Variants in NDST4 observed in about 807,000 individuals in gnomAD.
The protein encoded by NDST4 is N-heparan sulfate sulfotransferase 4.
A neutral mutation model predicts 100.8 loss-of-function variants in NDST4; 63 were observed. That is an observed-to-expected ratio of 0.62 (90% CI 0.51 to 0.77). The LOEUF is 0.77. Among genes scored for constraint, NDST4 ranks in the 30% least tolerant of loss-of-function variants. The pLI is 0.00. For missense variants in NDST4, 943 were observed against 1,018.4 expected (o/e 0.93, Z 1.01); for synonymous variants, 377 against 361.8 (o/e 1.04, Z -0.48).
At chr4:114,996,992 T>C (rs1431401284) in intron 2 of NDST4, among the ~76,000 whole-genome samples, 2 of 152,132 alleles carry the variant, frequency 1.3e-5, no homozygotes, top group Non-Finnish European at 2.9e-5. Context: ...TTCTGGTACC[T>C]ATGAGGCAGC....
intron 6 of NDST4, among the ~76,000 whole-genome samples, chr4:114,909,504 C>CA (rs1289135677): frequency 6.7e-6 from 1 of 149,528 alleles, no homozygotes; most frequent in Non-Finnish European, 1.5e-5. Context: ...ACTAAAAATA[C>CA]AAAAAATTAG....
At chr4:114,960,554 A>G (rs1726238876) in intron 4 of NDST4, among the ~76,000 whole-genome samples, 1 of 152,144 alleles carries the variant, frequency 6.6e-6, no homozygotes, top group Admixed American at 6.5e-5. Context: ...TGCAGAAAAA[A>G]AAAATAAAAG....
At chr4:115,109,309 C>G (rs1372593919) in intron 1 of NDST4, among the ~76,000 whole-genome samples, 2 of 151,786 alleles carry the variant, frequency 1.3e-5, no homozygotes, top group Non-Finnish European at 2.9e-5. Flanking sequence ...CCATTAAGGA[C>G]TTTTTAAAAG....
chr4:114,973,810 GTA>G (rs2126242360), intron 3 of NDST4, among the ~76,000 whole-genome samples: 1 of 151,440 alleles, frequency 6.6e-6, no homozygotes, highest in East Asian at 1.9e-4. Flanking sequence ...TGTGTAATTT[GTA>G]TAAAATATAA....
chr4:114,968,862 A>C (rs923077435), intron 4 of NDST4, among the ~76,000 whole-genome samples: 1 of 152,178 alleles, frequency 6.6e-6, no homozygotes, highest in Non-Finnish European at 1.5e-5. Context: ...TTCTTAGTGT[A>C]GAATCATGGG....
At chr4:114,993,443 A>G (rs766490501) in intron 2 of NDST4, among the ~76,000 whole-genome samples, 2 of 151,938 alleles carry the variant, frequency 1.3e-5, no homozygotes, top group Non-Finnish European at 1.5e-5. Flanking sequence ...AGTGCTGGGT[A>G]CCAAGTGGAG....
At chr4:114,998,014 A>G (rs913307969) in intron 2 of NDST4, among the ~76,000 whole-genome samples, 2 of 152,076 alleles carry the variant, frequency 1.3e-5, no homozygotes, top group African/African-American at 4.8e-5. Context: ...AGTCATCTCT[A>G]GGTATCCTCC....
intron 7 of NDST4, among the ~76,000 whole-genome samples, chr4:114,853,485 G>C (rs928446879): frequency 1.1e-4 from 16 of 152,068 alleles, no homozygotes; most frequent in Admixed American, 2.6e-4. Flanking sequence ...TCCAGTGCCA[G>C]TTTTTATTTC....
chr4:115,073,054 A>G (rs886343980), intron 2 of NDST4, among the ~76,000 whole-genome samples: 1 of 152,114 alleles, frequency 6.6e-6, no homozygotes, highest in African/African-American at 2.4e-5. Context: ...ATAAATGACC[A>G]ATAGGTTTAT....
At chr4:114,967,484 A>G (rs200298387) in intron 4 of NDST4, among the ~76,000 whole-genome samples, 49 of 152,140 alleles carry the variant, frequency 3.2e-4, no homozygotes, top group Non-Finnish European at 6.3e-4. Flanking sequence ...ATGGCTCTTA[A>G]AAAAGAAATT....
At chr4:114,995,198 A>G (rs1192134283) in intron 2 of NDST4, among the ~76,000 whole-genome samples, 1 of 152,028 alleles carries the variant, frequency 6.6e-6, no homozygotes, top group Non-Finnish European at 1.5e-5. Flanking sequence ...ATATAATGGG[A>G]TGAAGCCAGA....
chr4:114,858,599 A>G (rs1723850972), intron 7 of NDST4, among the ~76,000 whole-genome samples: 2 of 152,194 alleles, frequency 1.3e-5, no homozygotes, highest in African/African-American at 4.8e-5. Flanking sequence ...AGAGTCCAAC[A>G]AATAGTTTTT....
rs1007476603 is a variant in NDST4 at position 114,829,028 on chromosome 4, A to G, written c.2499+762T>C. On this transcript the variant is annotated intron_variant, in intron 13 of 13. Coordinates refer to ENST00000264363, the MANE Select transcript of NDST4 (RefSeq NM_022569.3). ...CATTACATTTATTTCTTGGTGGATT[A>G]AAGTGATTTCTGAAACCCTTTTGAA... Among the ~76,000 whole-genome samples the G allele has an allele frequency of 3.3e-5, 5 of 152,184 alleles. No individual in the cohort carries two copies. In the South Asian group the frequency reaches 6.2e-4, roughly 19 times the overall value.
At chr4:114,946,745 A>G (rs1725874106) in intron 4 of NDST4, among the ~76,000 whole-genome samples, 1 of 152,196 alleles carries the variant, frequency 6.6e-6, no homozygotes, top group African/African-American at 2.4e-5. Flanking sequence ...GTTCACATTT[A>G]CCATGCTTTT....
intron 1 of NDST4, among the ~76,000 whole-genome samples, chr4:115,101,599 G>C (rs895324857): frequency 1.2e-4 from 18 of 152,070 alleles, no homozygotes; most frequent in Admixed American, 4.6e-4. Context: ...TATGAGTCAA[G>C]AAATACAACA....
At chr4:115,015,739 C>T (rs1458099941) in intron 2 of NDST4, among the ~76,000 whole-genome samples, 1 of 152,034 alleles carries the variant, frequency 6.6e-6, no homozygotes, top group Non-Finnish European at 1.5e-5. Flanking sequence ...GTCCAATGGG[C>T]TCATGAACAA....
intron 10 of NDST4, 106 bp from the exon 11 acceptor site, chr4:114,839,654 A>G: frequency 2.3e-6 from 2 of 884,520 alleles, no homozygotes; most frequent in South Asian, 4.2e-5. Flanking sequence ...GTGTGTATGT[A>G]TAAATGTGTG....
chr4:115,052,767 CCTT>C (rs1728611940), intron 2 of NDST4, among the ~76,000 whole-genome samples: 1 of 152,070 alleles, frequency 6.6e-6, no homozygotes, highest in Admixed American at 6.6e-5. Context: ...ACAACTCACT[CCTT>C]CATTCATTCA....
chr4:114,953,988 G>A (rs527720996), intron 4 of NDST4, among the ~76,000 whole-genome samples: 2 of 152,212 alleles, frequency 1.3e-5, no homozygotes, highest in African/African-American at 2.4e-5. Flanking sequence ...ACTAGCTGAT[G>A]CTCTGTAATT....
Sources: allele counts gnomAD v4.1 joint callset (sites outside exome capture counted in the v4.1 genomes callset), GRCh38; gene constraint gnomAD v4.1.1; transcripts MANE v1.5; gene names NCBI Gene and HGNC (gene_info 2026-07-23, HGNC 2026-07-21).